The following AR variants were observed in gnomAD, a reference collection of about 807,000 sequenced individuals.
AR encodes androgen receptor, also known as dihydrotestosterone receptor.
In AR, 8 loss-of-function variants were observed where a neutral mutation model predicts 53.9. The observed-to-expected ratio is 0.15, with a 90% CI of 0.09 to 0.27. The LOEUF (loss-of-function observed/expected upper bound fraction) is 0.27, where lower values mean the gene tolerates loss of function less well. AR is among the 10% of genes least tolerant of loss of function. AR has a pLI of 1.00. For synonymous variants in AR, 359 were observed against 316.4 expected, an observed-to-expected ratio of 1.13 and a Z score of -1.43; for missense variants, 639 against 742.5, an observed-to-expected ratio of 0.86 and a Z score of 1.62.
intron 2 of AR, among the ~76,000 whole-genome samples, chrX:67,685,762 A>G (rs1252584995): frequency 2.7e-5 from 3 of 111,285 alleles, no homozygotes; most frequent in Non-Finnish European, 5.7e-5. Flanking sequence ...CTAATAGTGG[A>G]GATATCATCA....
At chrX:67,547,954 C>T (rs917898546) in intron 1 of AR, among the ~76,000 whole-genome samples, 4 of 112,096 alleles carry the variant, frequency 3.6e-5, no homozygotes, top group African/African-American at 6.5e-5. Flanking sequence ...AAGATTTTCT[C>T]CCCCAGCAAA....
chrX:67,544,041 G>C lies in AR; in HGVS notation c.-1106G>C, dbSNP rs1395775441. 5.9e-6 allele frequency: 1 copy of C among 170,543 alleles called. No homozygotes were observed. Among genetic ancestry groups the C allele is most frequent in the Non-Finnish European group, 1.1e-5 (1 of 88,216 alleles). The allele number at this position is 170,543 out of a possible 1,213,427, so 14.1% of individuals were successfully genotyped here. On this transcript the variant is annotated 5_prime_UTR_variant, in exon 1 of 8. Coordinates refer to ENST00000374690, the MANE Select transcript of AR (RefSeq NM_000044.6). Reference sequence around the variant, plus strand: ...CTCCCAGCGCCCCCTCCGAGATCCCGGGGAGCCAGCTTGCTGGGAGAGCGG... The same window carrying C: ...CTCCCAGCGCCCCCTCCGAGATCCCCGGGAGCCAGCTTGCTGGGAGAGCGG...
At chrX:67,656,994 A>C (rs923253356) in intron 2 of AR, among the ~76,000 whole-genome samples, 3 of 110,604 alleles carry the variant, frequency 2.7e-5, no homozygotes, top group African/African-American at 9.9e-5. Flanking sequence ...TGAGAGAGAG[A>C]GATCACTGTA....
chrX:67,607,100 G>T (rs920739293), intron 1 of AR, among the ~76,000 whole-genome samples: 4 of 111,009 alleles, frequency 3.6e-5, no homozygotes, highest in African/African-American at 1.3e-4. Flanking sequence ...CACGAATTTG[G>T]CTCACCACAA....
chrX:67,580,768 A>G (rs1264485004), intron 1 of AR, among the ~76,000 whole-genome samples: 1 of 111,267 alleles, frequency 9.0e-6, no homozygotes, highest in African/African-American at 3.3e-5. Flanking sequence ...ATTTGTCATT[A>G]TGAATGAGTT....
chrX:67,586,760 G>C (rs1012300797), intron 1 of AR, among the ~76,000 whole-genome samples: 8 of 111,995 alleles, frequency 7.1e-5, no homozygotes, highest in African/African-American at 2.6e-4. Flanking sequence ...TGTATGTTGA[G>C]TTCAGTGTAA....
At chrX:67,627,790 A>G (rs1199863001) in intron 1 of AR, among the ~76,000 whole-genome samples, 3 of 111,517 alleles carry the variant, frequency 2.7e-5, no homozygotes, top group Non-Finnish European at 5.6e-5. Flanking sequence ...TAAGTCTTTA[A>G]TCCATCTCGA....
intron 3 of AR, among the ~76,000 whole-genome samples, chrX:67,708,093 C>T (rs1195736134): frequency 9.0e-6 from 1 of 111,647 alleles, no homozygotes; most frequent in African/African-American, 3.3e-5. Context: ...TTCATTTCAA[C>T]TTTGGCGAAT....
intron 1 of AR, among the ~76,000 whole-genome samples, chrX:67,608,902 C>A (rs182385845): frequency 1.8e-5 from 2 of 111,089 alleles, no homozygotes; most frequent in Non-Finnish European, 3.8e-5. Context: ...TGCTTCTTGG[C>A]ATACCCTTCC....
At chrX:67,626,703 C>T (rs1281000113) in intron 1 of AR, among the ~76,000 whole-genome samples, 3 of 100,465 alleles carry the variant, frequency 3.0e-5, no homozygotes, top group African/African-American at 1.1e-4. Context: ...CATATGTATA[C>T]ATGTGCCATG....
chrX:67,621,875 A>G (rs1924394873), intron 1 of AR, among the ~76,000 whole-genome samples: 1 of 111,944 alleles, frequency 8.9e-6, no homozygotes, highest in Non-Finnish European at 1.9e-5. Flanking sequence ...TCCAACTTTG[A>G]TAGTCAACAA....
At chrX:67,580,005 A>G (rs1922220325) in intron 1 of AR, among the ~76,000 whole-genome samples, 2 of 110,528 alleles carry the variant, frequency 1.8e-5, no homozygotes, top group South Asian at 7.7e-4. Context: ...CCTAACATCC[A>G]ATCGCTAGTG....
Position 67,571,747 on chromosome X carries a change from C to T in AR, c.1616+24985C>T, listed in dbSNP as rs143979733. 4.5e-3 allele frequency among the ~76,000 whole-genome samples: 491 copies of T among 109,781 alleles called. 4 individuals carry two copies. Among genetic ancestry groups the T allele is most frequent in the African/African-American group, 0.015 (462 of 30,157 alleles). Reference sequence around the variant, plus strand: ...TACTATTTACATAAAATTGACATGACAAAATTAAGTCATTGTGTCTGTTTT... The same window carrying T: ...TACTATTTACATAAAATTGACATGATAAAATTAAGTCATTGTGTCTGTTTT... On this transcript the variant is annotated intron_variant, in intron 1 of 7. Coordinates refer to ENST00000374690, the MANE Select transcript of AR (RefSeq NM_000044.6).
At chrX:67,663,745 A>T (rs1046284397) in intron 2 of AR, among the ~76,000 whole-genome samples, 1 of 112,359 alleles carries the variant, frequency 8.9e-6, no homozygotes, top group African/African-American at 3.2e-5. Flanking sequence ...CATTCTCCCC[A>T]TCACTTTCAG....
chrX:67,632,397 AT>A (rs1317753850), intron 1 of AR, among the ~76,000 whole-genome samples: 1 of 111,773 alleles, frequency 8.9e-6, no homozygotes, highest in Non-Finnish European at 1.9e-5. Context: ...GAGTGACCCA[AT>A]TTTCCAGGTG....
intron 3 of AR, among the ~76,000 whole-genome samples, chrX:67,706,825 C>T (rs2076070257): frequency 1.8e-5 from 2 of 111,943 alleles, no homozygotes; most frequent in Admixed American, 9.5e-5. Flanking sequence ...TTAAATGTGT[C>T]CCAGAGATTC....
chrX:67,609,412 T>C (rs1435209858), intron 1 of AR, among the ~76,000 whole-genome samples: 3 of 111,292 alleles, frequency 2.7e-5, no homozygotes, highest in Non-Finnish European at 5.7e-5. Context: ...ACACTGGACA[T>C]TATAAGTTTT....
chrX:67,656,532 G>C (rs1926602551), intron 2 of AR, among the ~76,000 whole-genome samples: 2 of 111,406 alleles, frequency 1.8e-5, no homozygotes, highest in Admixed American at 1.9e-4. Flanking sequence ...GATAATCATA[G>C]AGCCTAATGT....
Position 67,717,508 on chromosome X carries a change from T to C in AR, c.2204T>C (p.Met735Thr), listed in dbSNP as rs969910786. Reference protein sequence around the residue: ...GFRNLHVDDQMAVIQYSWMGL... With the variant: ...GFRNLHVDDQTAVIQYSWMGL... ...CGCAACTTACACGTGGACGACCAGA[T>C]GGCTGTCATTCAGTACTCCTGGATG... is the stretch of plus-strand genomic sequence containing the variant. The change falls in exon 5 of 8, where the codon ATG (methionine) becomes ACG (threonine). Residue 735 changes from methionine (M) to threonine (T), a missense_variant. This residue lies in a region of AR where 95 missense variants were observed against 196.4 expected (regional missense o/e 0.48). Transcript: ENST00000374690. 3 of 1,212,061 alleles carry C rather than the reference T, an allele frequency of 2.5e-6. No individual in the cohort carries two copies. Among genetic ancestry groups the C allele is most frequent in the Non-Finnish European group, 3.3e-6 (3 of 895,538 alleles).
Sources: allele counts gnomAD v4.1 joint callset (sites outside exome capture counted in the v4.1 genomes callset), GRCh38; gene constraint gnomAD v4.1.1; regional missense constraint gnomAD v4.1.1; transcripts MANE v1.5; gene names NCBI Gene and HGNC (gene_info 2026-07-23, HGNC 2026-07-21).